NCALD: variants seen among roughly 807,000 people sequenced by gnomAD.
NCALD encodes the protein neurocalcin delta.
A neutral mutation model predicts 18.6 loss-of-function variants in NCALD; 10 were observed. The observed-to-expected ratio is 0.54, with a 90% confidence interval of 0.33 to 0.91. The LOEUF is 0.91. Ranked by LOEUF, NCALD falls within the 40% of genes least tolerant of loss-of-function variation. The pLI, the probability that NCALD is intolerant of heterozygous loss-of-function variation, is 0.03. For missense variants in NCALD, 184 were observed against 247.6 expected (o/e 0.74, Z 1.72); for synonymous variants, 88 against 87.4 (o/e 1.01, Z -0.04).
intron 4 of NCALD, among the ~76,000 whole-genome samples, chr8:101,854,916 C>A (rs940265241): frequency 4.6e-5 from 7 of 152,102 alleles, no homozygotes; most frequent in African/African-American, 1.7e-4. Flanking sequence ...ATACTGAGAT[C>A]AATAATGCCA....
intron 1 of NCALD, among the ~76,000 whole-genome samples, chr8:102,078,269 C>A (rs974226659): frequency 2.0e-5 from 3 of 152,164 alleles, no homozygotes; most frequent in Non-Finnish European, 2.9e-5. Flanking sequence ...TCCACTGCCA[C>A]CACCCTAATC....
chr8:101,906,047 C>T (rs930253139), intron 3 of NCALD, among the ~76,000 whole-genome samples: 1 of 152,174 alleles, frequency 6.6e-6, no homozygotes, highest in Non-Finnish European at 1.5e-5. Flanking sequence ...TTCACAAACT[C>T]ATTGTTTGCT....
At chr8:101,838,045 G>A (rs933502175) in intron 4 of NCALD, among the ~76,000 whole-genome samples, 1 of 152,148 alleles carries the variant, frequency 6.6e-6, no homozygotes, top group South Asian at 2.1e-4. Context: ...TGACAGGGTA[G>A]AGAAAAGACA....
At chr8:101,825,496 G>A (rs1813898683) in intron 4 of NCALD, among the ~76,000 whole-genome samples, 1 of 152,222 alleles carries the variant, frequency 6.6e-6, no homozygotes, top group Non-Finnish European at 1.5e-5. Flanking sequence ...GATCATCTTT[G>A]GGATGTGTGT....
chr8:101,736,644 C>A (rs934383842), intron 1 of NCALD, among the ~76,000 whole-genome samples: 4 of 152,110 alleles, frequency 2.6e-5, no homozygotes, highest in African/African-American at 9.7e-5. Context: ...GAAATGGTAG[C>A]TATGGCTCAG....
chr8:101,826,082 G>C (rs557087693), intron 4 of NCALD, among the ~76,000 whole-genome samples: 1 of 152,122 alleles, frequency 6.6e-6, no homozygotes, highest in South Asian at 2.1e-4. Context: ...TTGGAAGGTA[G>C]AGAAAAGCAC....
intron 2 of NCALD, among the ~76,000 whole-genome samples, chr8:101,703,561 G>T (rs1009625853): frequency 1.2e-4 from 19 of 152,146 alleles, no homozygotes; most frequent in Admixed American, 4.6e-4. Flanking sequence ...TTTACCAGAC[G>T]CTGGGAATTG....
intron 3 of NCALD, chr8:101,690,884 T>A: frequency 6.1e-6 from 6 of 985,378 alleles, no homozygotes; most frequent in Non-Finnish European, 7.2e-6. Context: ...GGGTCGGCTC[T>A]GGGAGGCACC....
intron 2 of NCALD, among the ~76,000 whole-genome samples, chr8:101,959,490 A>T (rs1224226223): frequency 1.3e-5 from 2 of 152,176 alleles, no homozygotes; most frequent in African/African-American, 4.8e-5. Flanking sequence ...TAAATATCTC[A>T]GTCCTCAAAA....
intron 2 of NCALD, among the ~76,000 whole-genome samples, chr8:101,953,609 C>T (rs1819514127): frequency 6.6e-6 from 1 of 152,190 alleles, no homozygotes; most frequent in African/African-American, 2.4e-5. Context: ...TTAAAGAGAA[C>T]CAGGGCTCAG....
At chr8:101,921,763 C>G (rs1818173801) in intron 2 of NCALD, among the ~76,000 whole-genome samples, 1 of 152,020 alleles carries the variant, frequency 6.6e-6, no homozygotes, top group Non-Finnish European at 1.5e-5. Flanking sequence ...TAATTTTTTC[C>G]TTACTTATAA....
intron 1 of NCALD, among the ~76,000 whole-genome samples, chr8:102,067,445 C>G (rs984751142): frequency 9.5e-6 from 1 of 105,646 alleles, no homozygotes; most frequent in Non-Finnish European, 2.0e-5. Context: ...CAGTCTTGTC[C>G]CAAACACACA....
At chr8:102,105,174 A>C (rs1033492779) in intron 1 of NCALD, among the ~76,000 whole-genome samples, 1 of 152,226 alleles carries the variant, frequency 6.6e-6, no homozygotes, top group Non-Finnish European at 1.5e-5. Context: ...GCTTTGAATC[A>C]GGTTTCTATC....
chr8:101,822,555 G>C (rs920682993), intron 4 of NCALD, among the ~76,000 whole-genome samples: 1 of 152,176 alleles, frequency 6.6e-6, no homozygotes, highest in Non-Finnish European at 1.5e-5. Flanking sequence ...AGAAACCATT[G>C]TTCTTCTCTT....
At chr8:101,937,427 A>G (rs1818805047) in intron 2 of NCALD, among the ~76,000 whole-genome samples, 1 of 152,166 alleles carries the variant, frequency 6.6e-6, no homozygotes, top group Non-Finnish European at 1.5e-5. Flanking sequence ...ACTTATAAGT[A>G]AAAATGTGGC....
At chr8:101,806,913 G>A (rs977997758) in intron 4 of NCALD, among the ~76,000 whole-genome samples, 2 of 151,554 alleles carry the variant, frequency 1.3e-5, no homozygotes, top group African/African-American at 4.8e-5. Flanking sequence ...AGCAGCAAGA[G>A]AAAAATGGCT....
At chr8:101,763,970 A>T (rs1440652535) in intron 1 of NCALD, among the ~76,000 whole-genome samples, 2,880 of 20,868 alleles carry the variant, frequency 0.14, 97 homozygotes, top group South Asian at 0.22. Flanking sequence ...CTCTCTCCAC[A>T]CACACACACA....
intron 1 of NCALD, among the ~76,000 whole-genome samples, chr8:101,720,062 A>G (rs1816280172): frequency 6.6e-6 from 1 of 152,200 alleles, no homozygotes; most frequent in Non-Finnish European, 1.5e-5. Context: ...TAGCAGGGAA[A>G]ATTAAAGGAA....
At chr8:101,913,648 T>C (rs1488953758) in intron 3 of NCALD, among the ~76,000 whole-genome samples, 1 of 152,208 alleles carries the variant, frequency 6.6e-6, no homozygotes, top group Non-Finnish European at 1.5e-5. Flanking sequence ...AAGGGCACAA[T>C]CTCGGCTCAC....
Sources: allele counts gnomAD v4.1 joint callset (sites outside exome capture counted in the v4.1 genomes callset), GRCh38; gene constraint gnomAD v4.1.1; transcripts MANE v1.5; gene names NCBI Gene and HGNC (gene_info 2026-07-23, HGNC 2026-07-21).